The following HDAC9 variants were observed in gnomAD, a reference collection of about 807,000 sequenced individuals.
The protein encoded by HDAC9 is MEF-2 interacting transcription repressor (MITR) protein.
Under a neutral mutation model 139.4 loss-of-function variants are expected in HDAC9, and 41 were observed. The ratio of observed to expected loss-of-function variants is 0.29; its 90% CI spans 0.23 to 0.38. HDAC9 has a LOEUF of 0.38. Among genes scored for constraint, HDAC9 ranks in the 10% least tolerant of loss-of-function variants. HDAC9 has a pLI of 1.00. For synonymous variants in HDAC9, 517 were observed against 476.2 expected (o/e 1.09, Z -1.12); for missense variants, 1,147 against 1,297.0 (o/e 0.88, Z 1.78).
chr7:18,892,091 A>G (rs2129270570), intron 22 of HDAC9: 1 of 152,318 alleles, frequency 6.6e-6, no homozygotes, highest in Admixed American at 6.5e-5. Context: ...AATGAGGGGA[A>G]ATAGTGAGCT....
chr7:18,200,920 C>T (rs933937659), intron 2 of HDAC9, among the ~76,000 whole-genome samples: 4 of 152,074 alleles, frequency 2.6e-5, no homozygotes, highest in South Asian at 2.1e-4. Flanking sequence ...GACTGATGTG[C>T]GTTTTCATTT....
At chr7:18,131,842 C>A (rs2128102381) in intron 1 of HDAC9, among the ~76,000 whole-genome samples, 1 of 152,148 alleles carries the variant, frequency 6.6e-6, no homozygotes. Context: ...GCACTCTGAG[C>A]AATACAAAAT....
chr7:18,819,787 A>G (rs1420207972), intron 17 of HDAC9, among the ~76,000 whole-genome samples: 2 of 152,238 alleles, frequency 1.3e-5, no homozygotes, highest in Admixed American at 6.5e-5. Context: ...ATGCCTGAAG[A>G]GAAAGTAAAA....
At chr7:18,660,047 A>T (rs188229508) in intron 11 of HDAC9, among the ~76,000 whole-genome samples, 60 of 152,260 alleles carry the variant, frequency 3.9e-4, no homozygotes, top group African/African-American at 1.4e-3. Flanking sequence ...CACATAGAAA[A>T]CAAATTCCAA....
chr7:18,380,258 A>G (rs930639806), intron 1 of HDAC9, among the ~76,000 whole-genome samples: 5 of 152,358 alleles, frequency 3.3e-5, no homozygotes, highest in African/African-American at 4.8e-5. Context: ...GGAAAATTAT[A>G]TAACAACTTA....
rs992989562 is a variant in HDAC9, at chr7:18,291,736, C to T, written c.-42+1221C>T. On this transcript the variant is annotated intron_variant, in intron 1 of 3. Coordinates refer to the HDAC9 transcript ENST00000413509. Reference sequence around the variant, plus strand: ...AAAACTCCTTGCTCTTGCTTTCCCCCACCAGCTCTGAATTAATTCTCTCTA... The same window carrying T: ...AAAACTCCTTGCTCTTGCTTTCCCCTACCAGCTCTGAATTAATTCTCTCTA... Among the ~76,000 whole-genome samples, 3 of 152,122 alleles carry T rather than the reference C, an allele frequency of 2.0e-5. No homozygotes were observed. In the South Asian group the frequency reaches 6.2e-4, roughly 32 times the overall value.
chr7:18,588,256 G>C (rs1475129280), intron 3 of HDAC9, among the ~76,000 whole-genome samples: 1 of 151,862 alleles, frequency 6.6e-6, no homozygotes, highest in Non-Finnish European at 1.5e-5. Flanking sequence ...AGAGTTTTAG[G>C]CACCTAATGT....
At chr7:18,985,367 A>G (rs934275430) in intron 25 of HDAC9, among the ~76,000 whole-genome samples, 8 of 151,956 alleles carry the variant, frequency 5.3e-5, no homozygotes, top group Non-Finnish European at 8.8e-5. Flanking sequence ...ATGTTTTCCA[A>G]TTTCATCCAT....
intron 1 of HDAC9, among the ~76,000 whole-genome samples, chr7:18,438,113 T>C (rs1285318690): frequency 6.7e-6 from 1 of 150,076 alleles, no homozygotes; most frequent in Admixed American, 6.6e-5. Context: ...TAAATATTTA[T>C]ATATTAAAAA....
intron 12 of HDAC9, among the ~76,000 whole-genome samples, chr7:18,718,348 C>T (rs1234218064): frequency 2.0e-5 from 3 of 152,152 alleles, no homozygotes; most frequent in Non-Finnish European, 4.4e-5. Flanking sequence ...TCTCCTGCCT[C>T]GGCCTCCCAA....
intron 22 of HDAC9, among the ~76,000 whole-genome samples, chr7:18,929,503 ATAATT>A (rs1313269360): frequency 2.0e-5 from 3 of 152,064 alleles, no homozygotes; most frequent in Admixed American, 6.5e-5. Context: ...TCTCATGCTT[ATAATT>A]TAATGCTGAT....
At chr7:18,888,206 G>A (rs538792003) in intron 22 of HDAC9, among the ~76,000 whole-genome samples, 2 of 152,272 alleles carry the variant, frequency 1.3e-5, no homozygotes, top group African/African-American at 4.8e-5. Flanking sequence ...CGGATCACGA[G>A]GTGAGGAGAT....
At chr7:18,645,614 A>G (rs1297814397) in intron 9 of HDAC9, among the ~76,000 whole-genome samples, 1 of 152,198 alleles carries the variant, frequency 6.6e-6, no homozygotes, top group Admixed American at 6.5e-5. Flanking sequence ...TATTCTAGGC[A>G]TATTCCCTGA....
intron 1 of HDAC9, among the ~76,000 whole-genome samples, chr7:18,478,312 C>A (rs1388917515): frequency 6.6e-6 from 1 of 152,140 alleles, no homozygotes; most frequent in East Asian, 1.9e-4. Flanking sequence ...ACCTCGGGAT[C>A]CGCCTGCCTC....
chr7:18,830,002 AC>A (rs1795743219), intron 19 of HDAC9, among the ~76,000 whole-genome samples: 1 of 152,188 alleles, frequency 6.6e-6, no homozygotes. Context: ...TGTCACTCTT[AC>A]TGAAAAGATC....
intron 2 of HDAC9, among the ~76,000 whole-genome samples, chr7:18,577,983 C>T (rs943480283): frequency 1.2e-4 from 19 of 152,164 alleles, no homozygotes; most frequent in African/African-American, 2.2e-4. Flanking sequence ...AAAACACACA[C>T]ATCCTCCCCA....
intron 1 of HDAC9, among the ~76,000 whole-genome samples, chr7:18,339,574 A>G (rs1781844376): frequency 6.6e-6 from 1 of 151,500 alleles, no homozygotes. Flanking sequence ...TCAAAACTTT[A>G]TATTGTACAC....
At chr7:18,155,309 T>G (rs1787107814) in intron 1 of HDAC9, among the ~76,000 whole-genome samples, 1 of 152,136 alleles carries the variant, frequency 6.6e-6, no homozygotes, top group African/African-American at 2.4e-5. Context: ...ATCTTTATGA[T>G]GTAGAGGCAT....
intron 12 of HDAC9, among the ~76,000 whole-genome samples, chr7:18,720,409 GTCT>G (rs1785053261): frequency 6.6e-6 from 1 of 151,192 alleles, no homozygotes; most frequent in African/African-American, 2.4e-5. Flanking sequence ...CCAATTTATA[GTCT>G]TCTTAATTTT....
Sources: gnomAD v4.1 joint callset for allele counts (sites outside exome capture counted in the v4.1 genomes callset) on GRCh38, gnomAD v4.1.1 for gene constraint, MANE v1.5 for transcripts, NCBI Gene and HGNC (gene_info 2026-07-23, HGNC 2026-07-21) for gene names.